Variants in PBX1 observed in about 807,000 individuals in gnomAD.
The protein encoded by PBX1 is pre-B-cell leukemia transcription factor 1.
A neutral mutation model predicts 53.4 loss-of-function variants in PBX1; 6 were observed. The observed-to-expected ratio is 0.11, with a 90% CI of 0.06 to 0.22. The LOEUF (loss-of-function observed/expected upper bound fraction) is 0.22, where lower values mean the gene tolerates loss of function less well. Among genes scored for constraint, PBX1 ranks in the 10% least tolerant of loss-of-function variants. The pLI, the probability that PBX1 is intolerant of heterozygous loss-of-function variation, is 1.00. For synonymous variants in PBX1, 204 were observed against 212.3 expected (o/e 0.96, Z 0.34); for missense variants, 251 against 551.4 (o/e 0.46, Z 5.46).
intron 2 of PBX1, among the ~76,000 whole-genome samples, chr1:164,712,986 A>G (rs908212716): frequency 6.6e-6 from 1 of 152,136 alleles, no homozygotes; most frequent in Non-Finnish European, 1.5e-5. Flanking sequence ...ATCCTTACAC[A>G]TGCCTAGAGG....
At chr1:164,827,644 A>C (rs1046776033) in intron 8 of PBX1, among the ~76,000 whole-genome samples, 1 of 152,160 alleles carries the variant, frequency 6.6e-6, no homozygotes, top group African/African-American at 2.4e-5. Flanking sequence ...GAGACCAGAA[A>C]AGCATTTTAT....
At chr1:164,572,460 T>G (rs1653946582) in intron 2 of PBX1, among the ~76,000 whole-genome samples, 1 of 152,210 alleles carries the variant, frequency 6.6e-6, no homozygotes, top group Non-Finnish European at 1.5e-5. Context: ...TTAGAACTAT[T>G]TGCATTTTAA....
intron 2 of PBX1, among the ~76,000 whole-genome samples, chr1:164,686,813 C>T (rs1296037878): frequency 5.3e-5 from 8 of 151,838 alleles, no homozygotes; most frequent in Admixed American, 3.9e-4. Context: ...AAAAATTAGC[C>T]GGGTGTGGTG....
intron 2 of PBX1, among the ~76,000 whole-genome samples, chr1:164,620,327 A>G (rs984419703): frequency 1.3e-5 from 2 of 152,176 alleles, no homozygotes; most frequent in Non-Finnish European, 2.9e-5. Flanking sequence ...ATAAGGCATT[A>G]TTTTGAGGCT....
At chr1:164,822,058 C>A (rs1009841909) in intron 8 of PBX1, among the ~76,000 whole-genome samples, 1 of 151,794 alleles carries the variant, frequency 6.6e-6, no homozygotes, top group Non-Finnish European at 1.5e-5. Context: ...TGTCTATGGA[C>A]GATTAAAAAG....
intron 2 of PBX1, among the ~76,000 whole-genome samples, chr1:164,665,750 C>T (rs913368248): frequency 1.1e-4 from 16 of 152,310 alleles, no homozygotes; most frequent in African/African-American, 3.8e-4. Flanking sequence ...GACCTAACAT[C>T]AGGAATGTGG....
chr1:164,874,184 C>T (rs1229508075), intron 2 of PBX1, among the ~76,000 whole-genome samples: 1 of 152,120 alleles, frequency 6.6e-6, no homozygotes, highest in Non-Finnish European at 1.5e-5. Flanking sequence ...GGGTATTTCA[C>T]TTGAGCTTAT....
intron 2 of PBX1, among the ~76,000 whole-genome samples, chr1:164,690,567 G>T (rs1662407430): frequency 6.6e-6 from 1 of 150,548 alleles, no homozygotes. Context: ...AGAAGTTTGA[G>T]ACCAGCCTGG....
At chr1:164,728,131 C>G (rs945853736) in intron 2 of PBX1, among the ~76,000 whole-genome samples, 1 of 151,936 alleles carries the variant, frequency 6.6e-6, no homozygotes, top group Non-Finnish European at 1.5e-5. Context: ...TCAAGACCAG[C>G]CTGGGCCACA....
At chr1:164,719,661 AC>A (rs1441443673) in intron 2 of PBX1, among the ~76,000 whole-genome samples, 2 of 152,068 alleles carry the variant, frequency 1.3e-5, no homozygotes, top group African/African-American at 4.8e-5. Context: ...GTTTTAGATT[AC>A]TGTTAGTAAT....
intron 8 of PBX1, among the ~76,000 whole-genome samples, chr1:164,846,191 A>G (rs1671561482): frequency 6.6e-6 from 1 of 152,178 alleles, no homozygotes. Context: ...TTTTTCAAAA[A>G]AGAAGACTAA....
chr1:164,721,428 A>AGTGTGT (rs112904192), intron 2 of PBX1, among the ~76,000 whole-genome samples: 151 of 149,550 alleles, frequency 1.0e-3, no homozygotes, highest in Non-Finnish European at 1.7e-3. Context: ...GTGGCAGTGT[A>AGTGTGT]GTGTGTGTGT....
intron 2 of PBX1, among the ~76,000 whole-genome samples, chr1:164,785,284 A>G (rs1305014269): frequency 6.6e-6 from 1 of 152,212 alleles, no homozygotes; most frequent in Non-Finnish European, 1.5e-5. Flanking sequence ...AAAAATCACC[A>G]TTAAAAAAGG....
At chr1:164,841,308 C>T (rs1271839964) in intron 8 of PBX1, among the ~76,000 whole-genome samples, 3 of 152,156 alleles carry the variant, frequency 2.0e-5, no homozygotes, top group African/African-American at 7.2e-5. Flanking sequence ...AGGCATGAGA[C>T]GGCTGCTCTG....
intron 3 of PBX1, among the ~76,000 whole-genome samples, chr1:164,795,736 A>G (rs1278706555): frequency 6.6e-6 from 1 of 152,090 alleles, no homozygotes; most frequent in Admixed American, 6.5e-5. Flanking sequence ...TATCTTCTTC[A>G]TTTTTCCTGT....
At position 164,849,353 on chromosome 1, in the gene PBX1, AC is replaced by A. The variant is rs1286661447; in HGVS notation, c.*2682del. On this transcript the variant is annotated 3_prime_UTR_variant, in exon 9 of 9. Coordinates refer to ENST00000420696, the MANE Select transcript of PBX1 (RefSeq NM_002585.4). Reference sequence around the variant, plus strand: ...CTCTATACCCAGCACCTCCCCCGGCACCCCCGGCAAGCCCACTATCACTTCC... The same window carrying A: ...CTCTATACCCAGCACCTCCCCCGGCACCCCGGCAAGCCCACTATCACTTCC... 1 of 1,535,376 alleles carries A rather than the reference AC, an allele frequency of 6.5e-7. No homozygotes were observed. Among genetic ancestry groups the A allele is most frequent in the South Asian group, 1.2e-5 (1 of 84,044 alleles).
At chr1:164,821,261 CT>C (rs1462399736) in intron 7 of PBX1, among the ~76,000 whole-genome samples, 1 of 152,154 alleles carries the variant, frequency 6.6e-6, no homozygotes, top group Non-Finnish European at 1.5e-5. Flanking sequence ...CATCCTAATC[CT>C]TACCATCTCA....
chr1:164,728,261 G>A (rs1215538393), intron 2 of PBX1, among the ~76,000 whole-genome samples: 1 of 151,544 alleles, frequency 6.6e-6, no homozygotes, highest in Non-Finnish European at 1.5e-5. Context: ...AGGCTGCAAT[G>A]AGCCATGATC....
At chr1:164,858,601 A>C (rs1672027429) in intron 2 of PBX1, among the ~76,000 whole-genome samples, 1 of 152,152 alleles carries the variant, frequency 6.6e-6, no homozygotes, top group African/African-American at 2.4e-5. Context: ...TATTTCAATT[A>C]AACAAAGAGG....
Sources: gnomAD v4.1 joint callset for allele counts (sites outside exome capture counted in the v4.1 genomes callset) on GRCh38, gnomAD v4.1.1 for gene constraint, MANE v1.5 for transcripts, NCBI Gene and HGNC (gene_info 2026-07-23, HGNC 2026-07-21) for gene names.